Variants in DIAPH3 observed in about 807,000 individuals in gnomAD.
DIAPH3 encodes diaphanous related formin 3.
DIAPH3 carries 117 observed loss-of-function variants against 144.3 expected under a neutral mutation model. The ratio of observed to expected loss-of-function variants is 0.81; its 90% CI spans 0.70 to 0.95. DIAPH3 has a LOEUF of 0.95. Ranked by LOEUF, DIAPH3 falls within the 40% of genes least tolerant of loss-of-function variation. The pLI is 0.00. For synonymous variants in DIAPH3, 519 were observed against 488.9 expected, an observed-to-expected ratio of 1.06 and a Z score of -0.81; for missense variants, 1,421 against 1,412.7, an observed-to-expected ratio of 1.01 and a Z score of -0.09.
At chr13:59,762,473 A>T (rs1048744543) in intron 27 of DIAPH3, among the ~76,000 whole-genome samples, 2 of 152,152 alleles carry the variant, frequency 1.3e-5, no homozygotes, top group African/African-American at 4.8e-5. Context: ...AAAGAGGCAG[A>T]GATCATTGGG....
At chr13:59,821,226 T>A (rs2041054541) in intron 24 of DIAPH3, among the ~76,000 whole-genome samples, 1 of 152,034 alleles carries the variant, frequency 6.6e-6, no homozygotes, top group Non-Finnish European at 1.5e-5. Flanking sequence ...TCCAGGGGAA[T>A]GACAGTTAGG....
At chr13:59,685,999 C>T (rs1298448686) in intron 27 of DIAPH3, among the ~76,000 whole-genome samples, 1 of 151,910 alleles carries the variant, frequency 6.6e-6, no homozygotes, top group Non-Finnish European at 1.5e-5. Flanking sequence ...GTTGGCAATC[C>T]CCAAACTAAA....
At chr13:60,019,803 T>A (rs1455052209) in intron 5 of DIAPH3, among the ~76,000 whole-genome samples, 1 of 152,116 alleles carries the variant, frequency 6.6e-6, no homozygotes, top group Non-Finnish European at 1.5e-5. Context: ...ATACAGTCAG[T>A]CACCTCATTG....
chr13:59,829,859 A>G (rs894802686), intron 24 of DIAPH3, among the ~76,000 whole-genome samples: 4 of 151,880 alleles, frequency 2.6e-5, no homozygotes, highest in African/African-American at 9.7e-5. Context: ...CCAATGGGGG[A>G]GTAGGTATGG....
intron 1 of DIAPH3, among the ~76,000 whole-genome samples, chr13:60,137,200 G>A (rs2059307230): frequency 6.6e-6 from 1 of 152,088 alleles, no homozygotes; most frequent in Admixed American, 6.5e-5. Flanking sequence ...GGAATTGAAA[G>A]AGAAAAAAAG....
chr13:59,984,110 A>G (rs558442825), intron 12 of DIAPH3, among the ~76,000 whole-genome samples: 2 of 151,716 alleles, frequency 1.3e-5, no homozygotes, highest in Non-Finnish European at 3.0e-5. Context: ...TTTAGGAAAT[A>G]CAGTATCCCT....
intron 25 of DIAPH3, among the ~76,000 whole-genome samples, chr13:59,796,729 T>A (rs2139440788): frequency 6.6e-6 from 1 of 152,244 alleles, no homozygotes; most frequent in East Asian, 1.9e-4. Flanking sequence ...ATTCATCCTA[T>A]AACCAAAGGG....
intron 25 of DIAPH3, among the ~76,000 whole-genome samples, chr13:59,788,927 A>C (rs1393875441): frequency 6.6e-6 from 1 of 152,218 alleles, no homozygotes; most frequent in African/African-American, 2.4e-5. Flanking sequence ...ATGATTGTTA[A>C]AATGTCTTGC....
intron 20 of DIAPH3, among the ~76,000 whole-genome samples, chr13:59,883,408 C>G (rs1395485513): frequency 6.6e-6 from 1 of 152,086 alleles, no homozygotes; most frequent in East Asian, 1.9e-4. Context: ...TCCTACTATG[C>G]AGACTTAACA....
chr13:60,118,119 G>GT (rs2058744958), intron 2 of DIAPH3, among the ~76,000 whole-genome samples: 3 of 151,980 alleles, frequency 2.0e-5, no homozygotes, highest in Non-Finnish European at 4.4e-5. Flanking sequence ...TTAATATCAC[G>GT]TATCTTCAGG....
intron 25 of DIAPH3, among the ~76,000 whole-genome samples, chr13:59,779,932 G>A (rs1264709457): frequency 6.6e-6 from 1 of 152,114 alleles, no homozygotes; most frequent in Non-Finnish European, 1.5e-5. Flanking sequence ...GTGTAAGATG[G>A]GGACATATAA....
chr13:60,098,512 G>C (rs1431731943), intron 3 of DIAPH3, among the ~76,000 whole-genome samples: 3 of 152,004 alleles, frequency 2.0e-5, no homozygotes, highest in African/African-American at 7.3e-5. Context: ...GGTACTAAAA[G>C]TACCTACTAT....
chr13:59,744,699 T>C (rs1302762502), intron 27 of DIAPH3, among the ~76,000 whole-genome samples: 2 of 152,172 alleles, frequency 1.3e-5, no homozygotes, highest in Non-Finnish European at 2.9e-5. Flanking sequence ...TAACTTATTA[T>C]CACAGCACAG....
rs754923568 is a variant in DIAPH3, at chr13:60,124,458, G to A, written c.213+8499C>T. 8.5e-5 allele frequency among the ~76,000 whole-genome samples: 13 copies of A among 152,082 alleles called. No individual in the cohort carries two copies. In the South Asian group the frequency reaches 1.7e-3, roughly 19 times the overall value. ...CAACACCTCACTATTTTTTGGGGTG[G>A]ATTTTTTTCAGTTTTGTTTACTTGA... On this transcript the variant is annotated intron_variant, in intron 2 of 27. Transcript: ENST00000400324.
chr13:60,028,664 C>G (rs1383219022), intron 5 of DIAPH3, among the ~76,000 whole-genome samples: 7 of 152,178 alleles, frequency 4.6e-5, no homozygotes, highest in Non-Finnish European at 1.0e-4. Flanking sequence ...ACTTAAATAT[C>G]TCCACTCCAC....
intron 17 of DIAPH3, among the ~76,000 whole-genome samples, chr13:59,939,914 G>A (rs79424971): frequency 0.018 from 2,746 of 151,600 alleles, 43 homozygotes; most frequent in South Asian, 0.051. Flanking sequence ...GCTAAGCCAA[G>A]TCAGGATTCA....
intron 25 of DIAPH3, among the ~76,000 whole-genome samples, chr13:59,804,297 T>C (rs954605091): frequency 3.3e-5 from 5 of 152,178 alleles, no homozygotes; most frequent in Non-Finnish European, 7.4e-5. Flanking sequence ...AATCTTCCTA[T>C]ATAGGTATAG....
At chr13:59,813,193 G>A (rs2040582281) in intron 24 of DIAPH3, among the ~76,000 whole-genome samples, 1 of 151,758 alleles carries the variant, frequency 6.6e-6, no homozygotes, top group Non-Finnish European at 1.5e-5. Context: ...AGTAGCAAAG[G>A]ATTCTTTGTC....
chr13:60,070,178 T>C (rs1018295349), intron 4 of DIAPH3, among the ~76,000 whole-genome samples: 2 of 152,126 alleles, frequency 1.3e-5, no homozygotes, highest in African/African-American at 2.4e-5. Flanking sequence ...GTAATTTTCT[T>C]TGTAGAGTTT....
Sources: allele counts gnomAD v4.1 joint callset (sites outside exome capture counted in the v4.1 genomes callset), GRCh38; gene constraint gnomAD v4.1.1; transcripts MANE v1.5; gene names NCBI Gene and HGNC (gene_info 2026-07-23, HGNC 2026-07-21).